PCDHGB3: variants seen among roughly 807,000 people sequenced by gnomAD.
PCDHGB3 encodes protocadherin gamma-B3.
PCDHGB3 carries 40 observed loss-of-function variants against 59.2 expected under a neutral mutation model. The observed-to-expected ratio is 0.68, with a 90% CI of 0.52 to 0.88. The LOEUF is 0.88. PCDHGB3 is among the 40% of genes least tolerant of loss of function. PCDHGB3 has a pLI of 0.00. For synonymous variants in PCDHGB3, 581 were observed against 503.6 expected, an observed-to-expected ratio of 1.15 and a Z score of -2.06; for missense variants, 1,309 against 1,187.9, an observed-to-expected ratio of 1.10 and a Z score of -1.50.
chr5:141,415,758 T>TG, intron 1 of PCDHGB3: 1 of 1,381,742 alleles, frequency 7.2e-7, no homozygotes, highest in South Asian at 1.7e-5. Context: ...TTTTTTTTTT[T>TG]TTTTTTTTTT....
chr5:141,443,417 T>C (rs1429905201), intron 1 of PCDHGB3, among the ~76,000 whole-genome samples: 3 of 152,132 alleles, frequency 2.0e-5, no homozygotes, highest in East Asian at 1.9e-4. Context: ...TCTGGGGAGA[T>C]TGAAGCTGCA....
Position 141,491,906 on chromosome 5 carries a change from T to A in PCDHGB3, c.2416-2901T>A, listed in dbSNP as rs1490050332. On this transcript the variant is annotated intron_variant, in intron 1 of 3. Transcript: ENST00000576222. The surrounding 1 kb of genome is among the most constrained non-coding windows in gnomAD (Gnocchi z 6.9). ...ATGGGGCTCCGAGCACCGGGGGTGG[T>A]GGCGACTGTGGGCGAGGGGAGGTGG... is the stretch of plus-strand genomic sequence containing the variant. 7.1e-7 allele frequency: 1 copy of A among 1,414,468 alleles called. No individual in the cohort carries two copies. Among genetic ancestry groups the A allele is most frequent in the African/African-American group, 1.4e-5 (1 of 69,002 alleles). 87.6% of individuals were successfully genotyped at this position (1,414,468 alleles called of 1,614,324 possible).
chr5:141,392,897 G>T (rs2150498343), intron 1 of PCDHGB3: 6 of 1,613,776 alleles, frequency 3.7e-6, no homozygotes, highest in Non-Finnish European at 5.1e-6. Flanking sequence ...AAATCGGGAG[G>T]GGACAGATTC....
At chr5:141,498,429 G>T (rs1595525351) in intron 2 of PCDHGB3, among the ~76,000 whole-genome samples, 1 of 152,290 alleles carries the variant, frequency 6.6e-6, no homozygotes, top group East Asian at 1.9e-4. Flanking sequence ...GGAGTGAGGG[G>T]ATGAAGAGGA....
chr5:141,441,057 A>T (rs2098222263), intron 1 of PCDHGB3: 2 of 152,152 alleles, frequency 1.3e-5, no homozygotes, highest in South Asian at 4.1e-4. Flanking sequence ...ACTTTTAAAG[A>T]TTTTTAATTT....
chr5:141,477,469 T>C lies in PCDHGB3; in HGVS notation c.2416-17338T>C, dbSNP rs2099411540. ...TGCGTGTTCAAGTGTCCGACATCAA[T>C]GACAACCCTCCACAATCTTCTCAAT... On this transcript the variant is annotated intron_variant, in intron 1 of 3. Coordinates refer to ENST00000576222, the MANE Select transcript of PCDHGB3 (RefSeq NM_018924.5). The surrounding 1 kb of genome is among the most constrained non-coding windows in gnomAD (Gnocchi z 4.9). 6.2e-7 allele frequency: 1 copy of C among 1,614,028 alleles called. No homozygotes were observed. Among genetic ancestry groups the C allele is most frequent in the South Asian group, 1.1e-5 (1 of 91,078 alleles).
chr5:141,385,626 G>T, intron 1 of PCDHGB3: 1 of 1,001,778 alleles, frequency 1.0e-6, no homozygotes, highest in Non-Finnish European at 1.3e-6. Flanking sequence ...ACATTGGAAT[G>T]AATCGAGTCT....
intron 1 of PCDHGB3, among the ~76,000 whole-genome samples, chr5:141,457,384 G>A (rs2154565902): frequency 6.6e-6 from 1 of 152,270 alleles, no homozygotes; most frequent in African/African-American, 2.4e-5. Context: ...CCCAGAACTA[G>A]CATATTGATT....
At chr5:141,409,885 G>A in intron 1 of PCDHGB3, 1 of 1,613,110 alleles carries the variant, frequency 6.2e-7, no homozygotes. Flanking sequence ...ACGCACCGCG[G>A]GTGCTGTACC....
chr5:141,407,589 C>G (rs1305349867), intron 1 of PCDHGB3, among the ~76,000 whole-genome samples: 1 of 151,660 alleles, frequency 6.6e-6, no homozygotes, highest in Non-Finnish European at 1.5e-5. Context: ...ACCTTAATGT[C>G]TCATCTTAAA....
chr5:141,405,471 A>C, intron 1 of PCDHGB3: 6 of 1,084,370 alleles, frequency 5.5e-6, no homozygotes, highest in Non-Finnish European at 7.9e-6. Context: ...CCAGGCTGGA[A>C]TGCAGTGGTG....
At chr5:141,445,249 G>A (rs1337658576) in intron 1 of PCDHGB3, among the ~76,000 whole-genome samples, 2 of 152,170 alleles carry the variant, frequency 1.3e-5, no homozygotes, top group South Asian at 4.1e-4. Flanking sequence ...ACTATATTGT[G>A]TGAGAATATA....
intron 1 of PCDHGB3, chr5:141,383,490 G>A: frequency 6.2e-7 from 1 of 1,613,286 alleles, no homozygotes; most frequent in South Asian, 1.1e-5. Flanking sequence ...TGGTGCTGGA[G>A]CGGGTGCTGG....
intron 1 of PCDHGB3, among the ~76,000 whole-genome samples, chr5:141,449,891 A>G (rs2098658520): frequency 6.6e-6 from 1 of 151,872 alleles, no homozygotes; most frequent in Non-Finnish European, 1.5e-5. Flanking sequence ...CAATATAATT[A>G]TTTAGCCTAT....
intron 1 of PCDHGB3, among the ~76,000 whole-genome samples, chr5:141,438,223 CA>C: frequency 6.6e-6 from 1 of 151,912 alleles, no homozygotes; most frequent in Non-Finnish European, 1.5e-5. Context: ...GGCTCTGGTT[CA>C]GGAAAATGTT....
At chr5:141,471,590 T>C (rs2099260583) in intron 1 of PCDHGB3, 1 of 152,120 alleles carries the variant, frequency 6.6e-6, no homozygotes. Flanking sequence ...AAGTAATTGA[T>C]AGTTTCAAAA....
At chr5:141,398,177 T>C (rs2093620975) in intron 1 of PCDHGB3, 11 of 1,473,994 alleles carry the variant, frequency 7.5e-6, no homozygotes, top group African/African-American at 2.9e-5. Context: ...CTGCCAGTGC[T>C]CTTTCTCTTC....
In PCDHGB3 at chr5:141,383,270, T is replaced by C. The variant is rs373497176; in HGVS notation, c.2415+10461T>C. 25 of 1,613,746 alleles carry C rather than the reference T, an allele frequency of 1.5e-5. No homozygotes were observed. Among genetic ancestry groups the C allele is most frequent in the East Asian group, 1.1e-4 (5 of 44,896 alleles). On this transcript the variant is annotated intron_variant, in intron 1 of 3. Transcript: ENST00000576222. ...CTTTACCCTATAGACGTGGAAATAA[T>C]AGATATTAATGACAACGTTCCAAGA...
In PCDHGB3 at chr5:141,387,468, A is replaced by G. The variant is rs190489292; in HGVS notation, c.2415+14659A>G. On this transcript the variant is annotated intron_variant, in intron 1 of 3. Transcript: ENST00000576222. ...TACATGATTTGCCTAAAAATCCTCA[A>G]AGTTGGGATGAAGGCATTCCTAAGA... Among the ~76,000 whole-genome samples the G allele has an allele frequency of 3.6e-3, 554 of 152,350 alleles. 1 individual carries two copies. Among genetic ancestry groups the G allele is most frequent in the Non-Finnish European group, 6.0e-3 (405 of 68,034 alleles).
Sources: gnomAD v4.1 joint callset for allele counts (sites outside exome capture counted in the v4.1 genomes callset) on GRCh38, gnomAD v4.1.1 for gene constraint, Gnocchi (gnomAD v3.1) non-coding constraint, MANE v1.5 for transcripts, NCBI Gene and HGNC (gene_info 2026-07-23, HGNC 2026-07-21) for gene names.